The following CCSER1 variants were observed in gnomAD, a reference collection of about 807,000 sequenced individuals.
CCSER1 encodes the protein coiled-coil serine rich protein 1, also known as serine-rich coiled-coil domain-containing protein 1.
Under a neutral mutation model 82.0 loss-of-function variants are expected in CCSER1, and 41 were observed. The ratio of observed to expected loss-of-function variants is 0.50; its 90% CI spans 0.39 to 0.65. The LOEUF (loss-of-function observed/expected upper bound fraction) is 0.65, where lower values mean the gene tolerates loss of function less well. CCSER1 is among the 30% of genes least tolerant of loss of function. The probability of loss-of-function intolerance (pLI) is 0.00; values close to 1 mark genes in which losing one functional copy is unlikely to be tolerated. For missense variants in CCSER1, 1,119 were observed against 1,064.2 expected, an observed-to-expected ratio of 1.05 and a Z score of -0.72; for synonymous variants, 414 against 383.9, an observed-to-expected ratio of 1.08 and a Z score of -0.92.
intron 10 of CCSER1, among the ~76,000 whole-genome samples, chr4:91,180,497 G>GTCTA (rs1733911978): frequency 6.6e-6 from 1 of 152,204 alleles, no homozygotes; most frequent in Admixed American, 6.5e-5. Flanking sequence ...ACCTACTCAA[G>GTCTA]CCTCAGCAAT....
intron 3 of CCSER1, among the ~76,000 whole-genome samples, chr4:90,338,825 A>G (rs1740872388): frequency 6.6e-6 from 1 of 152,182 alleles, no homozygotes; most frequent in South Asian, 2.1e-4. Context: ...CACATAAGGT[A>G]CATAGCTTTT....
intron 9 of CCSER1, among the ~76,000 whole-genome samples, chr4:90,930,916 A>ATT (rs1319399886): frequency 7.9e-6 from 1 of 127,188 alleles, no homozygotes; most frequent in Non-Finnish European, 1.8e-5. Context: ...TATTTTATAT[A>ATT]TATATATATA....
chr4:91,244,519 G>C (rs1210086581), intron 10 of CCSER1, among the ~76,000 whole-genome samples: 1 of 152,166 alleles, frequency 6.6e-6, no homozygotes, highest in Non-Finnish European at 1.5e-5. Context: ...TCAGAGAAAA[G>C]AACAAAAGTC....
At chr4:91,194,974 T>C (rs916071688) in intron 10 of CCSER1, among the ~76,000 whole-genome samples, 8 of 152,346 alleles carry the variant, frequency 5.3e-5, no homozygotes, top group Non-Finnish European at 8.8e-5. Flanking sequence ...AACACTTGAG[T>C]ATCATTATAT....
At chr4:90,359,952 A>G (rs1205505635) in intron 3 of CCSER1, among the ~76,000 whole-genome samples, 1 of 145,524 alleles carries the variant, frequency 6.9e-6, no homozygotes, top group East Asian at 2.1e-4. Flanking sequence ...GGAGTCTCAC[A>G]CTGTTGCCCT....
At chr4:90,913,721 A>G (rs544365052) in intron 8 of CCSER1, among the ~76,000 whole-genome samples, 2 of 152,342 alleles carry the variant, frequency 1.3e-5, no homozygotes, top group East Asian at 1.9e-4. Flanking sequence ...GTCAACACCA[A>G]TAAGTATGCT....
At chr4:91,462,629 C>A (rs113298992) in intron 10 of CCSER1, among the ~76,000 whole-genome samples, 1 of 151,970 alleles carries the variant, frequency 6.6e-6, no homozygotes, top group Non-Finnish European at 1.5e-5. Flanking sequence ...CGGTGCCAGA[C>A]GGCACTTGGA....
rs1355113503 is a variant in CCSER1, at chr4:91,553,756, G to GT, written c.2218-44814dup. Among the ~76,000 whole-genome samples, 16 of 150,770 alleles carry GT rather than the reference G, an allele frequency of 1.1e-4. 1 individual carries two copies. Among genetic ancestry groups the GT allele is most frequent in the African/African-American group, 3.9e-4 (16 of 41,132 alleles). On this transcript the variant is annotated intron_variant, in intron 10 of 10. Transcript: ENST00000509176. ...TAATCTTTCTAATTCTGCAGTATCA[G>GT]TTGTAGAGTCTTCTTCTCTTTCATG...
At chr4:90,302,184 C>T (rs954682358) in intron 1 of CCSER1, among the ~76,000 whole-genome samples, 2 of 152,182 alleles carry the variant, frequency 1.3e-5, no homozygotes, top group East Asian at 1.9e-4. Context: ...GTACAAATTG[C>T]GTATTTTATC....
chr4:91,102,031 A>C (rs1452320223), intron 10 of CCSER1, among the ~76,000 whole-genome samples: 1 of 133,296 alleles, frequency 7.5e-6, no homozygotes, highest in Non-Finnish European at 1.7e-5. Context: ...CAGACCCCTG[A>C]ATGGGGGAGA....
At chr4:90,646,948 C>G (rs991856072) in intron 6 of CCSER1, among the ~76,000 whole-genome samples, 1 of 151,954 alleles carries the variant, frequency 6.6e-6, no homozygotes, top group South Asian at 2.1e-4. Context: ...CTACAAATAC[C>G]CTCATCCCCC....
At chr4:91,165,428 A>T (rs1340562642) in intron 10 of CCSER1, among the ~76,000 whole-genome samples, 1 of 152,186 alleles carries the variant, frequency 6.6e-6, no homozygotes, top group African/African-American at 2.4e-5. Context: ...TTAGAGCTCA[A>T]ACACTGAGCT....
chr4:90,470,762 C>CAAAAAA (rs754754971), intron 5 of CCSER1, among the ~76,000 whole-genome samples: 787 of 70,220 alleles, frequency 0.011, 43 homozygotes, highest in African/African-American at 0.022. Flanking sequence ...TTAATCAAAG[C>CAAAAAA]AAAAAAAAAA....
rs555065157 is a variant in CCSER1, at chr4:90,489,791, G to A, written c.1724+21437G>A. On this transcript the variant is annotated intron_variant, in intron 5 of 10. Transcript: ENST00000509176. ...GCGGTGTTTGTTTTTTTGTCCTTGCGATAGTTTGCTGAGAATGATGGTTTC... is the reference window on the plus strand; with the variant it reads ...GCGGTGTTTGTTTTTTTGTCCTTGCAATAGTTTGCTGAGAATGATGGTTTC... Among the ~76,000 whole-genome samples, 453 of 152,082 alleles carry A rather than the reference G, an allele frequency of 3.0e-3. 11 individuals carry two copies. The highest frequency in any genetic ancestry group is 1.2e-3 in the South Asian group (6 of 4,820).
chr4:90,801,410 G>A (rs1377921), intron 7 of CCSER1, among the ~76,000 whole-genome samples: 51,732 of 151,936 alleles, frequency 0.34, 9,013 homozygotes, highest in East Asian at 0.42. Context: ...TAAAGCCTCT[G>A]TACAAATGTA....
At chr4:90,526,717 C>A (rs1250264261) in intron 5 of CCSER1, among the ~76,000 whole-genome samples, 1 of 152,122 alleles carries the variant, frequency 6.6e-6, no homozygotes, top group Non-Finnish European at 1.5e-5. Context: ...TTTTTTATGG[C>A]TGCATAGTGT....
chr4:91,364,301 G>T (rs1257284145), intron 10 of CCSER1, among the ~76,000 whole-genome samples: 1 of 151,634 alleles, frequency 6.6e-6, no homozygotes, highest in Non-Finnish European at 1.5e-5. Context: ...ATAAAATTAG[G>T]CCTAGAAAAG....
chr4:90,271,860 A>ATGTG lies in CCSER1; in HGVS notation c.-41-36383_-41-36382insGTGT. On this transcript the variant is annotated intron_variant, in intron 1 of 10. Transcript: ENST00000509176. ...TATATATATATATATATATATATAT[A>ATGTG]TATTTTTTTTTTTTTTTTTTTTTTT... Among the ~76,000 whole-genome samples, 2 of 22,240 alleles carry ATGTG rather than the reference A, an allele frequency of 9.0e-5. 1 individual carries two copies. Among genetic ancestry groups the ATGTG allele is most frequent in the East Asian group, 3.4e-3 (2 of 596 alleles). 14.6% of individuals were successfully genotyped at this position (22,240 alleles called of 152,430 possible). A position where few individuals can be genotyped will look rare whatever the true frequency, so the allele number is the denominator to read the frequency against.
intron 9 of CCSER1, among the ~76,000 whole-genome samples, 198 bp from the exon 10 acceptor site, chr4:91,085,752 C>A (rs1204365379): frequency 1.3e-5 from 2 of 150,962 alleles, no homozygotes; most frequent in African/African-American, 4.9e-5. Context: ...GCAGGAAATG[C>A]ATTGGGACTA....
Sources: allele counts gnomAD v4.1 joint callset (sites outside exome capture counted in the v4.1 genomes callset), GRCh38; gene constraint gnomAD v4.1.1; transcripts MANE v1.5; gene names NCBI Gene and HGNC (gene_info 2026-07-23, HGNC 2026-07-21).